Variants in MET observed in about 807,000 individuals in gnomAD.
MET encodes the protein MET proto-oncogene, receptor tyrosine kinase.
In MET, 48 loss-of-function variants were observed where a neutral mutation model predicts 133.1. That is an observed-to-expected ratio of 0.36 (90% CI 0.29 to 0.46). MET has a LOEUF of 0.46. Ranked by LOEUF, MET falls within the 20% of genes least tolerant of loss-of-function variation. The pLI, the probability that MET is intolerant of heterozygous loss-of-function variation, is 1.00. For synonymous variants in MET, 628 were observed against 616.5 expected, an observed-to-expected ratio of 1.02 and a Z score of -0.28; for missense variants, 1,442 against 1,695.9, an observed-to-expected ratio of 0.85 and a Z score of 2.63.
chr7:116,717,570 G>T (rs1255093222), intron 2 of MET, among the ~76,000 whole-genome samples: 2 of 152,106 alleles, frequency 1.3e-5, no homozygotes, highest in African/African-American at 2.4e-5. Flanking sequence ...TTTCTACAAA[G>T]AATGATTATG....
At chr7:116,690,515 T>C (rs1273314690) in intron 1 of MET, among the ~76,000 whole-genome samples, 1 of 152,202 alleles carries the variant, frequency 6.6e-6, no homozygotes, top group Non-Finnish European at 1.5e-5. Flanking sequence ...GTCCCTTCGA[T>C]TCACTGTTGG....
At position 116,769,776 on chromosome 7, in the gene MET, C is replaced by T. The variant is rs45572835; in HGVS notation, c.2715C>T (p.Ser905=). 7.3e-5 allele frequency: 117 copies of T among 1,613,736 alleles called. 1 individual carries two copies. In the African/African-American group the frequency reaches 1.1e-3, roughly 15 times the overall value. The change falls in exon 12 of 21, where the codon AGC becomes AGT. Residue 905 remains serine (S), a synonymous_variant. Coordinates refer to ENST00000397752, the MANE Select transcript of MET (RefSeq NM_000245.4). The part of the protein sequence containing the change: ...TVPNDLLKLN[S]ELNIEWKQAI... Reference sequence around the variant, plus strand: ...CCAATGACCTGCTGAAATTGAACAGCGAGCTAAATATAGAGGTGGGATTCC... The same window carrying T: ...CCAATGACCTGCTGAAATTGAACAGTGAGCTAAATATAGAGGTGGGATTCC...
intron 2 of MET, among the ~76,000 whole-genome samples, chr7:116,706,907 T>TA (rs397815915): frequency 4.0e-5 from 6 of 150,616 alleles, no homozygotes; most frequent in Admixed American, 6.6e-5. Flanking sequence ...TTTTTTTTTT[T>TA]AAATAGTATA....
chr7:116,752,330 G>A (rs972356056), intron 5 of MET, among the ~76,000 whole-genome samples: 1 of 151,988 alleles, frequency 6.6e-6, no homozygotes, highest in Non-Finnish European at 1.5e-5. Context: ...AAATACTGTT[G>A]GAATGGGCCC....
chr7:116,773,172 C>T (rs1794887659), intron 14 of MET, among the ~76,000 whole-genome samples: 1 of 152,144 alleles, frequency 6.6e-6, no homozygotes, highest in Non-Finnish European at 1.5e-5. Context: ...TCCATTGAGC[C>T]TGCTCCTTGG....
At chr7:116,762,228 AC>A (rs1246085531) in intron 10 of MET, among the ~76,000 whole-genome samples, 1 of 152,356 alleles carries the variant, frequency 6.6e-6, no homozygotes, top group East Asian at 1.9e-4. Flanking sequence ...TATGTCATAG[AC>A]AAAAAGATAG....
rs575484022 is a variant in MET, at chr7:116,677,901, G to A, written c.-15+5324G>A. ...TTTTCTGAAACCTGAATCCATCATG[G>A]CTTTATGCATCAATTTCATTTCCAA... is the stretch of plus-strand genomic sequence containing the variant. On this transcript the variant is annotated intron_variant, in intron 1 of 20. Transcript: ENST00000397752. Among the ~76,000 whole-genome samples, 6 of 152,036 alleles carry A rather than the reference G, an allele frequency of 3.9e-5. No homozygotes were observed. In the South Asian group the frequency reaches 1.0e-3, roughly 26 times the overall value.
At position 116,778,764 on chromosome 7, in the gene MET, T is replaced by C. The variant is rs1235902821; in HGVS notation, c.3341-12T>C. On this transcript the variant is annotated splice_polypyrimidine_tract_variant and intron_variant, in intron 16 of 20. Coordinates refer to ENST00000397752, the MANE Select transcript of MET (RefSeq NM_000245.4). ...ATAATGAAGTTAATGTCTCCACCAC[T>C]GGATTTCTCAGGAATCACTGACATA... is the stretch of plus-strand genomic sequence containing the variant. 6.2e-7 allele frequency: 1 copy of C among 1,613,660 alleles called. No individual in the cohort carries two copies. The highest frequency in any genetic ancestry group is 1.3e-5 in the African/African-American group (1 of 74,934).
Position 116,795,896 on chromosome 7 carries a change from A to G in MET, c.3945A>G (p.Val1315=). ...TTTCTTTTTGGAACAGATATGAAGT[A>G]ATGCTAAAATGCTGGCACCCTAAAG... ...PEYCPDPLYE[V]MLKCWHPKAE... Residue 1315 remains valine (V), a synonymous_variant, in exon 21 of 21, where the codon GTA becomes GTG. Coordinates refer to ENST00000397752, the MANE Select transcript of MET (RefSeq NM_000245.4). The G allele has an allele frequency of 6.2e-7, 1 of 1,614,204 alleles. No homozygotes were observed. Among genetic ancestry groups the G allele is most frequent in the South Asian group, 1.1e-5 (1 of 91,082 alleles).
rs1381694848 is a variant in MET at position 116,757,446 on chromosome 7, C to T, written c.1872C>T (p.Cys624=). ...LSESTMNTLK[C]TVGPAMNKHF... ...TGGGTTTTTTTTCCAGATTGAAATGCACAGTTGGTCCTGCCATGAATAAGC... is the reference window on the plus strand; with the variant it reads ...TGGGTTTTTTTTCCAGATTGAAATGTACAGTTGGTCCTGCCATGAATAAGC... The change falls in exon 7 of 21, where the codon TGC becomes TGT. Residue 624 remains cysteine (C), a synonymous_variant. Coordinates refer to ENST00000397752, the MANE Select transcript of MET (RefSeq NM_000245.4). The T allele has an allele frequency of 1.2e-6, 2 of 1,613,040 alleles. No homozygotes were observed. The highest frequency in any genetic ancestry group is 1.7e-5 in the Admixed American group (1 of 59,976).
rs1796908831 is a variant in MET at position 116,694,894 on chromosome 7, C to G, written c.-14-4177C>G. ...TAGAGACGGGGTTTCACCATATTGGCCAGGATGGTTGTGATCTCCTGACCA... is the reference window on the plus strand; with the variant it reads ...TAGAGACGGGGTTTCACCATATTGGGCAGGATGGTTGTGATCTCCTGACCA... On this transcript the variant is annotated intron_variant, in intron 1 of 20. Transcript: ENST00000397752. 2.0e-5 allele frequency among the ~76,000 whole-genome samples: 3 copies of G among 152,140 alleles called. No homozygotes were observed. In the South Asian group the frequency reaches 6.2e-4, roughly 32 times the overall value.
intron 18 of MET, 119 bp from the exon 19 acceptor site, chr7:116,783,185 C>A: frequency 8.4e-7 from 1 of 1,186,338 alleles, no homozygotes; most frequent in Non-Finnish European, 1.2e-6. Flanking sequence ...AGATGAAATA[C>A]TTCCTTCAGA....
chr7:116,708,926 A>C (rs573518389), intron 2 of MET, among the ~76,000 whole-genome samples: 6 of 152,310 alleles, frequency 3.9e-5, no homozygotes, highest in Non-Finnish European at 7.4e-5. Flanking sequence ...TCAAAATTAT[A>C]AACATTAATA....
chr7:116,751,217 A>C (rs2116885892), intron 5 of MET, among the ~76,000 whole-genome samples: 1 of 152,346 alleles, frequency 6.6e-6, no homozygotes, highest in South Asian at 2.1e-4. Context: ...TGTGGCACAT[A>C]TATGCCATGG....
rs1248004024 is a variant in MET at position 116,769,767 on chromosome 7, A to G, written c.2706A>G (p.Lys902=). ...GCACGGTCCCCAATGACCTGCTGAAATTGAACAGCGAGCTAAATATAGAGG... is the reference window on the plus strand; with the variant it reads ...GCACGGTCCCCAATGACCTGCTGAAGTTGAACAGCGAGCTAAATATAGAGG... The part of the protein sequence containing the change: ...VLCTVPNDLL[K]LNSELNIEWK... The change falls in exon 12 of 21, where the codon AAA becomes AAG. Residue 902 remains lysine, a synonymous_variant. Transcript: ENST00000397752. 1 of 1,613,862 alleles carries G rather than the reference A, an allele frequency of 6.2e-7. No individual in the cohort carries two copies. Among genetic ancestry groups the G allele is most frequent in the Non-Finnish European group, 8.5e-7 (1 of 1,179,818 alleles).
At chr7:116,733,567 C>T (rs942489223) in intron 3 of MET, among the ~76,000 whole-genome samples, 4 of 152,048 alleles carry the variant, frequency 2.6e-5, no homozygotes, top group African/African-American at 9.7e-5. Context: ...GGATATGTCA[C>T]GCATCAGTCT....
chr7:116,770,038 T>A (rs1411577078), intron 12 of MET: 1 of 542,824 alleles, frequency 1.8e-6, no homozygotes, highest in East Asian at 3.3e-5. Context: ...GCCACACTCT[T>A]CCCAAAATTT....
At chr7:116,782,190 T>C in intron 18 of MET, 93 bp downstream of exon 18, 2 of 892,556 alleles carry the variant, frequency 2.2e-6, no homozygotes, top group Admixed American at 3.9e-5. Flanking sequence ...TGTTTTCTCT[T>C]CTTATGCAAA....
At chr7:116,698,606 A>G (rs1369943321) in intron 1 of MET, among the ~76,000 whole-genome samples, 5 of 152,238 alleles carry the variant, frequency 3.3e-5, no homozygotes, top group Non-Finnish European at 5.9e-5. Context: ...TGCGCTCAAG[A>G]AAACAATGCC....
Sources: allele counts gnomAD v4.1 joint callset (sites outside exome capture counted in the v4.1 genomes callset), GRCh38; gene constraint gnomAD v4.1.1; transcripts MANE v1.5; gene names NCBI Gene and HGNC (gene_info 2026-07-23, HGNC 2026-07-21).